VPS13C: variants seen among roughly 807,000 people sequenced by gnomAD.
VPS13C encodes the protein intermembrane lipid transfer protein VPS13C.
In VPS13C, 358 loss-of-function variants were observed where a neutral mutation model predicts 456.8. The observed-to-expected ratio is 0.78, with a 90% CI of 0.72 to 0.86. The LOEUF (loss-of-function observed/expected upper bound fraction) is 0.86, where lower values mean the gene tolerates loss of function less well. VPS13C is among the 40% of genes least tolerant of loss of function. The probability of loss-of-function intolerance (pLI) is 0.00; values close to 1 mark genes in which losing one functional copy is unlikely to be tolerated. For missense variants in VPS13C, 4,818 were observed against 4,385.4 expected (o/e 1.10, Z -2.79); for synonymous variants, 1,578 against 1,486.7 (o/e 1.06, Z -1.41).
chr15:62,010,100 G>T (rs1252499024), intron 13 of VPS13C, among the ~76,000 whole-genome samples: 1 of 151,894 alleles, frequency 6.6e-6, no homozygotes, highest in Non-Finnish European at 1.5e-5. Context: ...TGAGGTAGGA[G>T]AATGGCATGA....
chr15:61,938,415 C>T (rs2044300523), intron 47 of VPS13C, among the ~76,000 whole-genome samples: 1 of 152,140 alleles, frequency 6.6e-6, no homozygotes, highest in African/African-American at 2.4e-5. Flanking sequence ...AGGGAAACAA[C>T]TTGCCAGTGT....
At chr15:61,863,256 GA>G (rs1894322160) in intron 82 of VPS13C, among the ~76,000 whole-genome samples, 183 bp downstream of exon 82, 1 of 151,986 alleles carries the variant, frequency 6.6e-6, no homozygotes, top group African/African-American at 2.4e-5. Flanking sequence ...GAGGAGGTCG[GA>G]AAAGAAAATC....
At chr15:61,979,666 C>T (rs947375057) in intron 22 of VPS13C, among the ~76,000 whole-genome samples, 5 of 152,000 alleles carry the variant, frequency 3.3e-5, no homozygotes, top group African/African-American at 1.2e-4. Context: ...TGAAGAGGAC[C>T]GATGATTAAC....
At chr15:61,855,169 A>T (rs1893838335) in intron 83 of VPS13C, among the ~76,000 whole-genome samples, 1 of 152,226 alleles carries the variant, frequency 6.6e-6, no homozygotes, top group African/African-American at 2.4e-5. Flanking sequence ...ATGAGCATAC[A>T]TCTATCTGTA....
intron 1 of VPS13C, among the ~76,000 whole-genome samples, chr15:62,054,610 T>C (rs1324575158): frequency 6.6e-6 from 1 of 151,766 alleles, no homozygotes; most frequent in Non-Finnish European, 1.5e-5. Context: ...TTAGGACAAA[T>C]ACATAATGCA....
chr15:61,922,280 ACTAT>A (rs1408784693), intron 54 of VPS13C, 113 bp downstream of exon 54: 11 of 1,295,132 alleles, frequency 8.5e-6, no homozygotes, highest in East Asian at 2.3e-5. Flanking sequence ...GTCAGAACAC[ACTAT>A]CTATTCACAT....
rs1894067367 is a variant in VPS13C, at chr15:61,858,779, C to G, written c.10953-2370G>C. Among the ~76,000 whole-genome samples, 1 of 152,176 alleles carries G rather than the reference C, an allele frequency of 6.6e-6. No individual in the cohort carries two copies. Among genetic ancestry groups the G allele is most frequent in the African/African-American group, 2.4e-5 (1 of 41,454 alleles). On this transcript the variant is annotated intron_variant, in intron 82 of 84. Coordinates refer to ENST00000644861, the MANE Select transcript of VPS13C (RefSeq NM_020821.3). This position sits in a 1 kb window ranked among gnomAD's most constrained non-coding sequence, Gnocchi z 4.4. ...CTAGGAGCTAAGAGCAGCTCGCTGG[C>G]TGACAGAGGTCAAAGAAACAGGGAT...
At position 61,929,567 on chromosome 15, in the gene VPS13C, T is replaced by C; in HGVS notation, c.6220A>G (p.Asn2074Asp). ...FIKAVPQSPE[N>D]VAKETQILPR... ...AAAATCTGTGTTTCTTTTGCCACAT[T>C]TTCTGGACTCTGAGGCACAGCTTTG... Residue 2074 changes from asparagine (N) to aspartate (D), a missense_variant, in exon 51 of 85, where the codon AAT (asparagine) becomes GAT (aspartate). Around this residue, in one of 3 missense-constraint regions of VPS13C, gnomAD observed 4,552 missense variants for 4,130.6 expected, o/e 1.10. Coordinates refer to ENST00000644861, the MANE Select transcript of VPS13C (RefSeq NM_020821.3). 6.2e-7 allele frequency: 1 copy of C among 1,614,136 alleles called. No homozygotes were observed. The highest frequency in any genetic ancestry group is 8.5e-7 in the Non-Finnish European group (1 of 1,180,000).
chr15:61,936,531 T>G, intron 48 of VPS13C, 66 bp downstream of exon 48: 2 of 1,426,610 alleles, frequency 1.4e-6, no homozygotes. Flanking sequence ...GCTAGAAAAA[T>G]ACTAAATATA....
chr15:62,008,273 C>A (rs1350034253), intron 14 of VPS13C, among the ~76,000 whole-genome samples: 1 of 151,602 alleles, frequency 6.6e-6, no homozygotes, highest in African/African-American at 2.4e-5. Flanking sequence ...TGGTTGCACA[C>A]CCCGTACCCC....
intron 15 of VPS13C, among the ~76,000 whole-genome samples, chr15:62,001,560 G>A (rs2046616627): frequency 6.6e-6 from 1 of 151,884 alleles, no homozygotes; most frequent in African/African-American, 2.4e-5. Context: ...GGGTACATGT[G>A]CACAACGTGC....
chr15:61,864,893 A>G, intron 81 of VPS13C: 1 of 972,206 alleles, frequency 1.0e-6, no homozygotes, highest in Non-Finnish European at 1.2e-6. Context: ...TAAATATGTT[A>G]AAATATTTAG....
At chr15:61,861,287 T>C (rs1276108444) in intron 82 of VPS13C, among the ~76,000 whole-genome samples, 1 of 152,036 alleles carries the variant, frequency 6.6e-6, no homozygotes, top group African/African-American at 2.4e-5. Context: ...TTATTTTCAA[T>C]ACTGGGGTGG....
chr15:61,963,230 C>A (rs1357931959), intron 32 of VPS13C, among the ~76,000 whole-genome samples: 1 of 151,864 alleles, frequency 6.6e-6, no homozygotes, highest in Non-Finnish European at 1.5e-5. Flanking sequence ...GAAAAAAGCC[C>A]CTAGTTTTCT....
chr15:61,867,757 C>G lies in VPS13C; in HGVS notation c.10863+902G>C. ...CTGGACAGTATTACCAGGAATACCA[C>G]AAGTTTTTATTTGTAGTCAATCCCA... On this transcript the variant is annotated intron_variant, in intron 81 of 84. Coordinates refer to ENST00000644861, the MANE Select transcript of VPS13C (RefSeq NM_020821.3). The surrounding 1 kb of genome is among the most constrained non-coding windows in gnomAD (Gnocchi z 5.0). 2 of 1,475,034 alleles carry G rather than the reference C, an allele frequency of 1.4e-6. No individual in the cohort carries two copies. The highest frequency in any genetic ancestry group is 1.8e-6 in the Non-Finnish European group (2 of 1,116,610). 91.4% of individuals were successfully genotyped at this position (1,475,034 alleles called of 1,614,324 possible).
In VPS13C at chr15:61,869,279, A is replaced by G. The variant is rs11636652; in HGVS notation, c.10748+221T>C. Among the ~76,000 whole-genome samples the G allele has an allele frequency of 0.057, 8,678 of 151,778 alleles. 306 individuals are homozygous for G. The highest frequency in any genetic ancestry group is 0.08 in the Non-Finnish European group (5,414 of 67,868). On this transcript the variant is annotated intron_variant, in intron 80 of 84. Coordinates refer to ENST00000644861, the MANE Select transcript of VPS13C (RefSeq NM_020821.3). ...ATTACAGGTGCCCGCCACCACGCCC[A>G]ACTAATTTTTGTATTTTTAGTAGAG...
chr15:62,017,561 GT>G (rs2047302817), intron 9 of VPS13C, among the ~76,000 whole-genome samples: 1 of 152,112 alleles, frequency 6.6e-6, no homozygotes, highest in South Asian at 2.1e-4. Flanking sequence ...CCCATTGCTT[GT>G]TTTCGTCAGG....
chr15:62,015,783 G>C (rs2047217372), intron 9 of VPS13C, among the ~76,000 whole-genome samples: 1 of 114,230 alleles, frequency 8.8e-6, no homozygotes, highest in African/African-American at 3.4e-5. Flanking sequence ...TGGTGGGGTC[G>C]GGGGAGGGGG....
intron 24 of VPS13C, among the ~76,000 whole-genome samples, chr15:61,975,613 A>G (rs1317608567): frequency 6.6e-6 from 1 of 152,094 alleles, no homozygotes; most frequent in Non-Finnish European, 1.5e-5. Flanking sequence ...TATATCTATG[A>G]AAAAACATGA....
Sources: gnomAD v4.1 joint callset for allele counts (sites outside exome capture counted in the v4.1 genomes callset) on GRCh38, gnomAD v4.1.1 for gene constraint, gnomAD v4.1.1 regional missense constraint, Gnocchi (gnomAD v3.1) non-coding constraint, MANE v1.5 for transcripts, NCBI Gene and HGNC (gene_info 2026-07-23, HGNC 2026-07-21) for gene names.